Variants in ART3 observed in about 807,000 individuals in gnomAD.
ART3 encodes the protein ecto-ADP-ribosyltransferase 3.
Under a neutral mutation model 48.5 loss-of-function variants are expected in ART3, and 49 were observed. The ratio of observed to expected loss-of-function variants is 1.01; its 90% CI spans 0.80 to 1.28. The LOEUF (loss-of-function observed/expected upper bound fraction) is 1.28. Ranked by LOEUF, ART3 falls within the 50% of genes most tolerant of loss-of-function variation. ART3 has a pLI of 0.00. For synonymous variants in ART3, 145 were observed against 157.2 expected (o/e 0.92, Z 0.58); for missense variants, 438 against 454.3 (o/e 0.96, Z 0.33).
At chr4:76,111,731 G>A (rs898495082) in intron 11 of ART3, among the ~76,000 whole-genome samples, 5 of 151,960 alleles carry the variant, frequency 3.3e-5, no homozygotes, top group African/African-American at 4.8e-5. Flanking sequence ...TAGTAGAGAC[G>A]GGGTTTTGCC....
intron 1 of ART3, among the ~76,000 whole-genome samples, chr4:76,026,716 A>G (rs1160186493): frequency 1.3e-5 from 2 of 152,232 alleles, no homozygotes; most frequent in East Asian, 3.8e-4. Flanking sequence ...TCTGTAATTA[A>G]GCATTGAATG....
In ART3 at chr4:76,112,498, A is replaced by G. The variant is rs1344482355; in HGVS notation, c.1149A>G (p.Ile383Met). The G allele has an allele frequency of 6.2e-7, 1 of 1,613,840 alleles. No individual in the cohort carries two copies. Among genetic ancestry groups the G allele is most frequent in the South Asian group, 1.1e-5 (1 of 91,026 alleles). Residue 383 changes from isoleucine (I) to methionine (M), a missense_variant, in exon 12 of 12, where the codon ATA (isoleucine) becomes ATG (methionine). Physicochemically the swap from Ile to Met is conservative, Grantham distance 10. Transcript: ENST00000355810. ...TCATTTTAATCAGTGTTTCTGCTAT[A>G]AATCTCTTTGTTGCTCTGTAGTTTG... ...MVIILISVSAINLFVAL is the reference protein window; with the variant it reads ...MVIILISVSAMNLFVAL
intron 3 of ART3, among the ~76,000 whole-genome samples, chr4:76,093,954 A>G (rs1299306511): frequency 6.6e-6 from 1 of 152,218 alleles, no homozygotes; most frequent in African/African-American, 2.4e-5. Flanking sequence ...TGGGCCTTCA[A>G]GAAGTAATTA....
chr4:76,097,781 C>G, intron 4 of ART3, 105 bp downstream of exon 4: 1 of 915,184 alleles, frequency 1.1e-6, no homozygotes, highest in Non-Finnish European at 1.7e-6. Flanking sequence ...TTCTGTCAAA[C>G]ATCATTTTCT....
chr4:76,097,813 CTGCTAGT>C, intron 4 of ART3, 137 bp downstream of exon 4: 1 of 696,114 alleles, frequency 1.4e-6, no homozygotes, highest in Admixed American at 2.4e-5. Context: ...TGTGCTACTA[CTGCTAGT>C]ACCTTTTCAG....
intron 1 of ART3, among the ~76,000 whole-genome samples, chr4:76,050,680 GA>G (rs931310752): frequency 6.6e-6 from 1 of 152,186 alleles, no homozygotes; most frequent in Non-Finnish European, 1.5e-5. Context: ...TTGGGTGGTC[GA>G]TGGGACTGGG....
Position 76,068,279 on chromosome 4 carries a change from A to C in ART3, c.-9-7602A>C, listed in dbSNP as rs530840194. The stretch of plus-strand genomic sequence containing the variant: ...CTACAATCATGATATAAAACATTTC[A>C]TCACCCAAAAAATGTGTTCCCTCAT... On this transcript the variant is annotated intron_variant, in intron 1 of 9. Coordinates refer to the ART3 transcript ENST00000341029. Among the ~76,000 whole-genome samples the C allele has an allele frequency of 2.6e-5, 4 of 152,322 alleles. No homozygotes were observed. The East Asian group carries it at 7.7e-4, about 29-fold the overall frequency.
intron 3 of ART3, among the ~76,000 whole-genome samples, chr4:76,091,274 G>T (rs924876160): frequency 6.6e-6 from 1 of 152,186 alleles, no homozygotes; most frequent in African/African-American, 2.4e-5. Flanking sequence ...GAATGCATTG[G>T]CTGGATTATA....
chr4:76,037,376 A>G (rs981732272), intron 1 of ART3, among the ~76,000 whole-genome samples: 1 of 152,098 alleles, frequency 6.6e-6, no homozygotes, highest in Non-Finnish European at 1.5e-5. Flanking sequence ...ATAACTGGTA[A>G]TCTGTAATTT....
At position 76,017,036 on chromosome 4, in the gene ART3, G is replaced by A. The variant is rs141973310; in HGVS notation, c.-10+5716G>A. ...CCATCTAAGCCCAGGCTGGAATTGG[G>A]GGCCCAAGAGCCCACTTGGTGCTCT... On this transcript the variant is annotated intron_variant, in intron 1 of 9. Coordinates refer to the ART3 transcript ENST00000341029. 1.3e-3 allele frequency among the ~76,000 whole-genome samples: 199 copies of A among 152,018 alleles called. 2 individuals carry two copies. In the East Asian group the frequency reaches 0.033, roughly 25 times the overall value.
chr4:76,072,765 T>C (rs1020269389), upstream of ART3, among the ~76,000 whole-genome samples: 9 of 151,914 alleles, frequency 5.9e-5, no homozygotes, highest in African/African-American at 2.2e-4. Flanking sequence ...TCTGACCTTA[T>C]CTTGTACTAC....
At chr4:76,013,057 T>C (rs762315972) in intron 1 of ART3, among the ~76,000 whole-genome samples, 34 of 152,198 alleles carry the variant, frequency 2.2e-4, no homozygotes, top group Non-Finnish European at 4.7e-4. Context: ...GAAAACAGCA[T>C]GTACATTAAC....
chr4:76,053,811 G>A (rs1272814037), intron 1 of ART3, among the ~76,000 whole-genome samples: 1 of 152,132 alleles, frequency 6.6e-6, no homozygotes, highest in Non-Finnish European at 1.5e-5. Context: ...GTATGTATGT[G>A]AGCCAGGAAC....
At chr4:76,022,812 G>A in intron 1 of ART3, 1 of 1,608,032 alleles carries the variant, frequency 6.2e-7, no homozygotes, top group Admixed American at 1.7e-5. Context: ...CTAGAGAGAG[G>A]TACTCCTGTA....
In ART3 at chr4:76,014,750, C is replaced by A. The variant is rs3946775; in HGVS notation, c.-10+3430C>A. Among the ~76,000 whole-genome samples, 198 of 152,124 alleles carry A rather than the reference C, an allele frequency of 1.3e-3. 3 individuals carry two copies. Among genetic ancestry groups the A allele is most frequent in the African/African-American group, 4.4e-3 (183 of 41,494 alleles). ...CTCAAAAAGATCCACACTGAGATAC[C>A]TAATAGTCAAACTGCTAAAACTCAA... On this transcript the variant is annotated intron_variant, in intron 1 of 9. Transcript: ENST00000341029.
chr4:76,070,660 C>G (rs558550627), upstream of ART3, among the ~76,000 whole-genome samples: 2 of 152,182 alleles, frequency 1.3e-5, no homozygotes, highest in South Asian at 4.2e-4. Flanking sequence ...TTCAGGTAGC[C>G]CCTTAATGCA....
upstream of ART3, among the ~76,000 whole-genome samples, chr4:76,073,116 G>A (rs1313025368): frequency 6.6e-6 from 1 of 152,030 alleles, no homozygotes; most frequent in Non-Finnish European, 1.5e-5. Context: ...ACTTCACAAA[G>A]GCAAGATATT....
intron 2 of ART3, among the ~76,000 whole-genome samples, chr4:76,077,432 G>A (rs1052267420): frequency 1.3e-5 from 2 of 152,098 alleles, no homozygotes; most frequent in African/African-American, 2.4e-5. Flanking sequence ...CATTTGGGCT[G>A]TTTCCACTTT....
intron 10 of ART3, chr4:76,106,456 C>T (rs1224778405): frequency 1.5e-6 from 1 of 686,072 alleles, no homozygotes; most frequent in African/African-American, 2.0e-5. Flanking sequence ...AGGTTAGAGG[C>T]CCACTTTTTT....
Sources: gnomAD v4.1 joint callset for allele counts (sites outside exome capture counted in the v4.1 genomes callset) on GRCh38, gnomAD v4.1.1 for gene constraint, MANE v1.5 for transcripts, NCBI Gene and HGNC (gene_info 2026-07-23, HGNC 2026-07-21) for gene names.